MSRB3: variants seen among roughly 807,000 people sequenced by gnomAD.
MSRB3 encodes methionine-R-sulfoxide reductase B3.
MSRB3 carries 13 observed loss-of-function variants against 21.0 expected under a neutral mutation model. That is an observed-to-expected ratio of 0.62 (90% CI 0.40 to 0.98). MSRB3 has a LOEUF of 0.98. Among genes scored for constraint, MSRB3 ranks in the 50% least tolerant of loss-of-function variants. The probability of loss-of-function intolerance (pLI) is 0.00; values close to 1 mark genes in which losing one functional copy is unlikely to be tolerated. For missense variants in MSRB3, 199 were observed against 230.3 expected, an observed-to-expected ratio of 0.86 and a Z score of 0.88; for synonymous variants, 87 against 88.6, an observed-to-expected ratio of 0.98 and a Z score of 0.10.
chr12:65,352,517 T>G (rs1430382787), intron 4 of MSRB3, among the ~76,000 whole-genome samples: 2 of 151,768 alleles, frequency 1.3e-5, no homozygotes, highest in African/African-American at 4.9e-5. Context: ...AAAGAAGAAG[T>G]CAAATTGTCC....
intron 5 of MSRB3, among the ~76,000 whole-genome samples, chr12:65,391,475 C>G (rs1162846784): frequency 6.6e-6 from 1 of 152,170 alleles, no homozygotes; most frequent in Non-Finnish European, 1.5e-5. Context: ...TGGTTGTAGA[C>G]TTTTAATTTC....
chr12:65,437,294 A>G (rs1460452183), intron 5 of MSRB3, among the ~76,000 whole-genome samples: 2 of 151,860 alleles, frequency 1.3e-5, no homozygotes, highest in Non-Finnish European at 2.9e-5. Flanking sequence ...GCCACTTCTA[A>G]GTGTACTCAG....
chr12:65,353,425 T>C (rs552333018), intron 4 of MSRB3, among the ~76,000 whole-genome samples: 1 of 152,204 alleles, frequency 6.6e-6, no homozygotes, highest in South Asian at 2.1e-4. Flanking sequence ...TGGGTGCATA[T>C]ATATTTAGGA....
intron 1 of MSRB3, among the ~76,000 whole-genome samples, chr12:65,294,435 A>T (rs572813832): frequency 6.6e-6 from 1 of 152,326 alleles, no homozygotes; most frequent in East Asian, 1.9e-4. Flanking sequence ...AAGTGGGTTT[A>T]TTCTTTTAGT....
chr12:65,389,782 C>T (rs1184812419), intron 5 of MSRB3, among the ~76,000 whole-genome samples: 2 of 152,200 alleles, frequency 1.3e-5, no homozygotes, highest in African/African-American at 4.8e-5. Flanking sequence ...AATCCTCAAC[C>T]ATCTGCTTTC....
At chr12:65,419,888 G>A (rs1881190985) in intron 5 of MSRB3, 8 of 633,142 alleles carry the variant, frequency 1.3e-5, no homozygotes, top group Non-Finnish European at 2.4e-5. Flanking sequence ...TGGAGATCCG[G>A]GAACCAGAGC....
At chr12:65,393,134 G>A (rs990882555) in intron 5 of MSRB3, among the ~76,000 whole-genome samples, 1 of 148,890 alleles carries the variant, frequency 6.7e-6, no homozygotes, top group African/African-American at 2.5e-5. Flanking sequence ...TTTTTTTCTT[G>A]ATAGTATTAT....
chr12:65,416,549 A>G (rs1880987288), intron 5 of MSRB3, among the ~76,000 whole-genome samples: 1 of 152,178 alleles, frequency 6.6e-6, no homozygotes, highest in African/African-American at 2.4e-5. Flanking sequence ...GGTATAGCCT[A>G]TTGCTTTTAG....
Position 65,463,415 on chromosome 12 carries a change from A to T in MSRB3, c.*93A>T. ...TCTTAATAGATATATTTTTTCAAAA[A>T]CTATAAGGGCAGTTTTGTGCTATTG... On this transcript the variant is annotated 3_prime_UTR_variant, in exon 7 of 7. Coordinates refer to ENST00000308259, the MANE Select transcript of MSRB3 (RefSeq NM_001031679.3). 4 of 1,436,728 alleles carry T rather than the reference A, an allele frequency of 2.8e-6. No homozygotes were observed. The highest frequency in any genetic ancestry group is 3.8e-6 in the Non-Finnish European group (4 of 1,052,528). 89.0% of individuals were successfully genotyped at this position (1,436,728 alleles called of 1,614,324 possible).
rs201851235 is a variant in MSRB3 at position 65,348,383 on chromosome 12, A to C, written c.263+19780A>C. Among the ~76,000 whole-genome samples the C allele has an allele frequency of 2.2e-4, 33 of 152,188 alleles. No individual in the cohort carries two copies. The East Asian group carries it at 6.0e-3, about 28-fold the overall frequency. ...GTAGTTTATTTGCATAGAGGTGTTT[A>C]TAGTATTCTCTGATGGTAGTTTGTA... is the stretch of plus-strand genomic sequence containing the variant. On this transcript the variant is annotated intron_variant, in intron 4 of 6. Transcript: ENST00000308259.
chr12:65,286,011 T>C (rs1296044562), intron 1 of MSRB3: 1 of 152,198 alleles, frequency 6.6e-6, no homozygotes, highest in African/African-American at 2.4e-5. Context: ...TGGAGACCCT[T>C]TCATGTAGTA....
chr12:65,312,028 A>G (rs1022286338), intron 2 of MSRB3, among the ~76,000 whole-genome samples: 3 of 152,018 alleles, frequency 2.0e-5, no homozygotes, highest in African/African-American at 7.2e-5. Flanking sequence ...AATTTCTTAC[A>G]ACAGTTTCCT....
intron 5 of MSRB3, among the ~76,000 whole-genome samples, chr12:65,413,062 G>T (rs534712050): frequency 6.6e-6 from 1 of 152,270 alleles, no homozygotes; most frequent in South Asian, 2.1e-4. Flanking sequence ...ATGAGATTTG[G>T]ATGCAGACAC....
intron 5 of MSRB3, among the ~76,000 whole-genome samples, chr12:65,425,234 T>A (rs1339811379): frequency 6.8e-6 from 1 of 147,304 alleles, no homozygotes; most frequent in Admixed American, 6.8e-5. Context: ...TTATTCTTAA[T>A]TTATATGTGT....
intron 2 of MSRB3, among the ~76,000 whole-genome samples, chr12:65,309,552 A>G (rs1400245929): frequency 1.3e-5 from 2 of 152,212 alleles, no homozygotes; most frequent in African/African-American, 4.8e-5. Context: ...CCATTAAATC[A>G]TATGTTGACC....
At chr12:65,390,997 T>C (rs1465693333) in intron 5 of MSRB3, among the ~76,000 whole-genome samples, 2 of 152,244 alleles carry the variant, frequency 1.3e-5, no homozygotes, top group Non-Finnish European at 2.9e-5. Context: ...TGTTTGTATG[T>C]CCATAAGCTT....
intron 4 of MSRB3, among the ~76,000 whole-genome samples, chr12:65,357,547 T>G (rs1024411800): frequency 6.6e-6 from 1 of 152,010 alleles, no homozygotes; most frequent in African/African-American, 2.4e-5. Flanking sequence ...TAAAGCCCAT[T>G]TTTTTCATAC....
At chr12:65,364,116 C>G (rs1338458531) in intron 4 of MSRB3, among the ~76,000 whole-genome samples, 2 of 152,180 alleles carry the variant, frequency 1.3e-5, no homozygotes, top group Non-Finnish European at 2.9e-5. Context: ...TACTTCAGCT[C>G]CTGGAATTAC....
At chr12:65,331,861 G>T (rs1021940771) in intron 4 of MSRB3, among the ~76,000 whole-genome samples, 1 of 152,222 alleles carries the variant, frequency 6.6e-6, no homozygotes, top group East Asian at 1.9e-4. Context: ...TAGAGAAGCT[G>T]CCCACATTGC....
Sources: gnomAD v4.1 joint callset for allele counts (sites outside exome capture counted in the v4.1 genomes callset) on GRCh38, gnomAD v4.1.1 for gene constraint, MANE v1.5 for transcripts, NCBI Gene and HGNC (gene_info 2026-07-23, HGNC 2026-07-21) for gene names.